ADGRF1: variants seen among roughly 807,000 people sequenced by gnomAD.
ADGRF1 encodes G protein-coupled receptor 110.
Under a neutral mutation model 87.2 loss-of-function variants are expected in ADGRF1, and 85 were observed. That is an observed-to-expected ratio of 0.97 (90% CI 0.82 to 1.17). ADGRF1 has a LOEUF of 1.17. Ranked by LOEUF, ADGRF1 falls within the 50% of genes most tolerant of loss-of-function variation. The probability of loss-of-function intolerance (pLI) is 0.00; values close to 1 mark genes in which losing one functional copy is unlikely to be tolerated. For missense variants in ADGRF1, 1,169 were observed against 1,077.2 expected (o/e 1.09, Z -1.19); for synonymous variants, 430 against 408.8 (o/e 1.05, Z -0.63).
intron 12 of ADGRF1, among the ~76,000 whole-genome samples, 182 bp from the exon 13 acceptor site, chr6:47,006,058 T>C (rs1015300152): frequency 6.6e-6 from 1 of 152,140 alleles, no homozygotes; most frequent in Non-Finnish European, 1.5e-5. Flanking sequence ...TAAACAAAAC[T>C]AGAGTTCAAC....
At chr6:47,038,494 A>C (rs1458599343) in intron 1 of ADGRF1, among the ~76,000 whole-genome samples, 1 of 152,154 alleles carries the variant, frequency 6.6e-6, no homozygotes, top group African/African-American at 2.4e-5. Context: ...ACATTTATAG[A>C]GTACCTAGTG....
At chr6:47,016,023 C>T (rs113735514) in intron 8 of ADGRF1, among the ~76,000 whole-genome samples, 2 of 152,102 alleles carry the variant, frequency 1.3e-5, no homozygotes, top group African/African-American at 4.8e-5. Context: ...TAGACGTGAG[C>T]CACTGCACCC....
At chr6:47,018,547 T>A (rs1280223558) in intron 7 of ADGRF1, 1 of 1,289,274 alleles carries the variant, frequency 7.8e-7, no homozygotes, top group Non-Finnish European at 1.0e-6. Context: ...TTTGATTTAG[T>A]GAAGTTAAAC....
At position 47,029,009 on chromosome 6, in the gene ADGRF1, T is replaced by C. The variant is rs754910263; in HGVS notation, c.53A>G (p.His18Arg). The C allele has an allele frequency of 1.2e-6, 2 of 1,614,064 alleles. No homozygotes were observed. Among genetic ancestry groups the C allele is most frequent in the East Asian group, 4.5e-5 (2 of 44,882 alleles). The change falls in exon 2 of 15, where the codon CAC becomes CGC. Residue 18 changes from histidine to arginine, a missense_variant. By Grantham distance (29) the His-to-Arg change is conservative (BLOSUM62 0). Transcript: ENST00000371253. ...LISFFTFTDG[H>R]GGFLGKNDGI... The stretch of plus-strand genomic sequence containing the variant: ...CCAACTCACCCCCAGGAAGCCACCG[T>C]GGCCGTCAGTGAAGGTGAAGAAAGA...
intron 9 of ADGRF1, chr6:47,012,677 A>G: frequency 1.0e-6 from 1 of 986,036 alleles, no homozygotes; most frequent in Non-Finnish European, 1.2e-6. Flanking sequence ...ACCACGCTAC[A>G]CTGAGAATGC....
At chr6:47,037,829 A>T (rs989655647) in intron 1 of ADGRF1, among the ~76,000 whole-genome samples, 16 of 151,796 alleles carry the variant, frequency 1.1e-4, no homozygotes, top group Non-Finnish European at 1.9e-4. Context: ...TGGATTTTAA[A>T]CTTAGGGTTG....
At position 46,999,275 on chromosome 6, in the gene ADGRF1, C is replaced by T. The variant is rs763152024; in HGVS notation, c.*947G>A. ...AATAAGGATGTTTTAAGGTACCTCC[C>T]TGGAAGCTGACAACCAAATTCTCCC... On this transcript the variant is annotated 3_prime_UTR_variant, in exon 15 of 15. Coordinates refer to ENST00000371253, the MANE Select transcript of ADGRF1 (RefSeq NM_153840.4). The T allele has an allele frequency of 3.3e-5, 5 of 152,334 alleles. No homozygotes were observed. Among genetic ancestry groups the T allele is most frequent in the East Asian group, 1.9e-4 (1 of 5,196 alleles). 9.4% of individuals were successfully genotyped at this position (152,334 alleles called of 1,614,324 possible). A position where few individuals can be genotyped will look rare whatever the true frequency, so the allele number is the denominator to read the frequency against.
intron 12 of ADGRF1, 52 bp downstream of exon 12, chr6:47,007,201 G>C: frequency 9.3e-7 from 1 of 1,077,114 alleles, no homozygotes; most frequent in Non-Finnish European, 1.4e-6. Flanking sequence ...CAAAGGGGAG[G>C]GGGCCTAAGA....
intron 4 of ADGRF1, among the ~76,000 whole-genome samples, chr6:47,025,570 G>C (rs115667211): frequency 2.0e-5 from 3 of 152,156 alleles, no homozygotes; most frequent in African/African-American, 7.2e-5. Context: ...TTCTGAGTTA[G>C]AGAATTTAAT....
Position 47,024,122 on chromosome 6 carries a change from G to T in ADGRF1, c.373C>A (p.His125Asn), listed in dbSNP as rs1335113724. The change falls in exon 5 of 15, where the codon CAC becomes AAC. Residue 125 changes from histidine to asparagine, a missense_variant. Transcript: ENST00000371253. ...CAGCTTGGGAGTGCTCCAGCCGTGT[G>T]AAGGTAGCAGTTCTGGGGATCAAGG... is the stretch of plus-strand genomic sequence containing the variant. ...SCLDPQNCYL[H>N]TAGALPSCEC... The T allele has an allele frequency of 6.2e-7, 1 of 1,614,100 alleles. No individual in the cohort carries two copies. Among genetic ancestry groups the T allele is most frequent in the East Asian group, 2.2e-5 (1 of 44,870 alleles).
intron 1 of ADGRF1, among the ~76,000 whole-genome samples, chr6:47,040,018 A>C (rs370648849): frequency 3.3e-5 from 5 of 152,254 alleles, no homozygotes; most frequent in African/African-American, 1.2e-4. Flanking sequence ...CCATGTATCT[A>C]TCCAGTCAAG....
At chr6:47,027,934 G>C (rs1178067881) in intron 2 of ADGRF1, among the ~76,000 whole-genome samples, 173 bp from the exon 3 acceptor site, 2 of 152,140 alleles carry the variant, frequency 1.3e-5, no homozygotes, top group Non-Finnish European at 2.9e-5. Flanking sequence ...AACACCTGAA[G>C]AGTAAGAATA....
intron 1 of ADGRF1, among the ~76,000 whole-genome samples, chr6:47,039,239 A>G (rs1227831696): frequency 6.6e-6 from 1 of 152,260 alleles, no homozygotes; most frequent in East Asian, 1.9e-4. Context: ...AGAAGACACC[A>G]TGAGGATCTG....
At chr6:47,032,514 G>C (rs769462760) in intron 1 of ADGRF1, among the ~76,000 whole-genome samples, 10 of 152,142 alleles carry the variant, frequency 6.6e-5, no homozygotes, top group Non-Finnish European at 1.3e-4. Flanking sequence ...TCAAAGGTGG[G>C]AAAAAATGAA....
In ADGRF1 at chr6:47,026,101, G is replaced by A. The variant is rs993559512; in HGVS notation, c.128-98C>T. 4 of 1,042,294 alleles carry A rather than the reference G, an allele frequency of 3.8e-6. No homozygotes were observed. In the African/African-American group the frequency reaches 4.8e-5, roughly 12 times the overall value. 64.6% of individuals were successfully genotyped at this position (1,042,294 alleles called of 1,614,324 possible). A position where few individuals can be genotyped will look rare whatever the true frequency, so the allele number is the denominator to read the frequency against. On this transcript the variant is annotated intron_variant, in intron 3 of 14. Coordinates refer to ENST00000371253, the MANE Select transcript of ADGRF1 (RefSeq NM_153840.4). Reference sequence around the variant, plus strand: ...AAACAATCATCAAATTTAGGTCAGGGACTCTACCATGCTGCTTGTTCCTGA... The same window carrying A: ...AAACAATCATCAAATTTAGGTCAGGAACTCTACCATGCTGCTTGTTCCTGA...
Position 47,009,470 on chromosome 6 carries a change from T to G in ADGRF1, c.1965A>C (p.Gly655=). The change falls in exon 11 of 15, where the codon GGA becomes GGC. Residue 655 remains glycine (G), a synonymous_variant. Transcript: ENST00000371253. ...TAAAGAACACAGCAGCTGTGCAGAC[T>G]CCAGAAGGGTTCACCGTGGTGTCCA... is the stretch of plus-strand genomic sequence containing the variant. ...ATVDTTVNPS[G]VCTAAVFFTH... is the part of the protein sequence containing the mutation. 6.2e-7 allele frequency: 1 copy of G among 1,613,864 alleles called. No individual in the cohort carries two copies. Among genetic ancestry groups the G allele is most frequent in the South Asian group, 1.1e-5 (1 of 91,032 alleles).
chr6:47,020,816 G>A (rs1780025674), intron 6 of ADGRF1, 27 bp from the exon 7 acceptor site: 1 of 1,570,246 alleles, frequency 6.4e-7, no homozygotes, highest in Admixed American at 1.7e-5. Flanking sequence ...AGAACAATGT[G>A]TTAATTGTTC....
intron 9 of ADGRF1, chr6:47,014,205 C>T (rs1779793029): frequency 3.1e-6 from 3 of 968,398 alleles, no homozygotes; most frequent in Admixed American, 6.1e-5. Flanking sequence ...AAACCAGATG[C>T]CCCTTAAGGT....
At chr6:47,026,774 C>T (rs947723336) in intron 3 of ADGRF1, among the ~76,000 whole-genome samples, 8 of 152,206 alleles carry the variant, frequency 5.3e-5, no homozygotes, top group Non-Finnish European at 1.0e-4. Context: ...CACCCCACTC[C>T]CATCTCTTAG....
Sources: gnomAD v4.1 joint callset for allele counts (sites outside exome capture counted in the v4.1 genomes callset) on GRCh38, gnomAD v4.1.1 for gene constraint, MANE v1.5 for transcripts, NCBI Gene and HGNC (gene_info 2026-07-23, HGNC 2026-07-21) for gene names.